Variants in RRM2 observed in about 807,000 individuals in gnomAD.
RRM2 encodes ribonucleoside-diphosphate reductase subunit M2.
A neutral mutation model predicts 45.9 loss-of-function variants in RRM2; 6 were observed. The ratio of observed to expected loss-of-function variants is 0.13; its 90% CI spans 0.07 to 0.26. The LOEUF is 0.26. Among genes scored for constraint, RRM2 ranks in the 10% least tolerant of loss-of-function variants. The pLI is 1.00. For synonymous variants in RRM2, 177 were observed against 173.0 expected (o/e 1.02, Z -0.18); for missense variants, 343 against 489.5 (o/e 0.70, Z 2.82).
downstream of RRM2, among the ~76,000 whole-genome samples, chr2:10,135,834 C>T (rs1337666553): frequency 6.6e-6 from 1 of 152,190 alleles, no homozygotes; most frequent in Admixed American, 6.5e-5. Flanking sequence ...CACCAAGCAA[C>T]ATGGTCTCTG....
At chr2:10,125,286 T>C (rs1470063092) in intron 5 of RRM2, among the ~76,000 whole-genome samples, 2 of 152,170 alleles carry the variant, frequency 1.3e-5, no homozygotes, top group Non-Finnish European at 2.9e-5. Context: ...GAGGCAGCAG[T>C]GAACCCTGAG....
chr2:10,210,301 G>A (rs1664735257), intron 3 of RRM2: 2 of 1,363,660 alleles, frequency 1.5e-6, no homozygotes, highest in African/African-American at 1.5e-5. Context: ...TTTCTTTCCT[G>A]TCCAATCAGT....
intron 3 of RRM2, among the ~76,000 whole-genome samples, chr2:10,161,885 T>G (rs1308939821): frequency 6.6e-6 from 1 of 152,228 alleles, no homozygotes; most frequent in African/African-American, 2.4e-5. Flanking sequence ...CTGCTCTGAC[T>G]TGGAAGCCCA....
At chr2:10,179,364 C>T (rs367607809) in intron 3 of RRM2, among the ~76,000 whole-genome samples, 1 of 152,136 alleles carries the variant, frequency 6.6e-6, no homozygotes, top group African/African-American at 2.4e-5. Context: ...GTTGGCCAGG[C>T]TGGTCTCAAA....
chr2:10,152,203 C>A (rs1663326560), intron 3 of RRM2, among the ~76,000 whole-genome samples: 1 of 152,128 alleles, frequency 6.6e-6, no homozygotes. Context: ...CTGCCTCGGC[C>A]TCCTAAAGTG....
chr2:10,178,177 C>T (rs547246036), intron 3 of RRM2, among the ~76,000 whole-genome samples: 37 of 150,964 alleles, frequency 2.5e-4, no homozygotes, highest in African/African-American at 4.2e-4. Flanking sequence ...CTGCCTGCCT[C>T]GGCCTCCCAA....
rs1663801895 is a variant in RRM2 at position 10,171,278 on chromosome 2, G to A, written n.482+28903G>A. On this transcript the variant is annotated intron_variant and non_coding_transcript_variant, in intron 3 of 3. Transcript: ENST00000381786. This position sits in a 1 kb window ranked among gnomAD's most constrained non-coding sequence, Gnocchi z 4.1. ...CTGTCAGGAGGATTAAATGAGATAAGACAAACACAGAGCAACTCCTTGCTA... is the reference window on the plus strand; with the variant it reads ...CTGTCAGGAGGATTAAATGAGATAAAACAAACACAGAGCAACTCCTTGCTA... Among the ~76,000 whole-genome samples the A allele has an allele frequency of 6.6e-6, 1 of 152,350 alleles. No individual in the cohort carries two copies.
chr2:10,160,932 C>A (rs1302655895), intron 3 of RRM2, among the ~76,000 whole-genome samples: 2 of 152,104 alleles, frequency 1.3e-5, no homozygotes, highest in African/African-American at 2.4e-5. Flanking sequence ...GCCCTGAGAC[C>A]CCCAGCCCTG....
chr2:10,147,227 A>T (rs1197974270), intron 3 of RRM2, among the ~76,000 whole-genome samples: 4 of 152,084 alleles, frequency 2.6e-5, no homozygotes, highest in Non-Finnish European at 5.9e-5. Context: ...CTGGGATTAC[A>T]CGTGTGAGCC....
chr2:10,132,030 T>C (rs1662912713), downstream of RRM2, among the ~76,000 whole-genome samples: 1 of 152,204 alleles, frequency 6.6e-6, no homozygotes, highest in Non-Finnish European at 1.5e-5. Flanking sequence ...ACATCTGACC[T>C]GTGTGGACTC....
chr2:10,175,982 C>T (rs1048357543), intron 3 of RRM2, among the ~76,000 whole-genome samples: 1 of 152,166 alleles, frequency 6.6e-6, no homozygotes, highest in African/African-American at 2.4e-5. Flanking sequence ...TTGTGTCTAG[C>T]TTATTTCACT....
intron 3 of RRM2, among the ~76,000 whole-genome samples, chr2:10,176,491 C>T (rs1345241424): frequency 1.3e-5 from 2 of 152,200 alleles, no homozygotes; most frequent in Admixed American, 1.3e-4. Flanking sequence ...TGGTCTCGAA[C>T]TCCCAACCTC....
intron 3 of RRM2, chr2:10,156,221 C>T (rs1251768702): frequency 2.0e-5 from 3 of 152,184 alleles, no homozygotes; most frequent in Admixed American, 1.3e-4. Context: ...CTAACACTAA[C>T]GATAGCTGAT....
At chr2:10,133,041 A>G (rs1662928902), downstream of RRM2, among the ~76,000 whole-genome samples, 1 of 152,180 alleles carries the variant, frequency 6.6e-6, no homozygotes, top group East Asian at 1.9e-4. Context: ...TAAACCAGGG[A>G]CCCTGTAATC....
downstream of RRM2, among the ~76,000 whole-genome samples, chr2:10,134,170 C>CA (rs35568069): frequency 0.017 from 1,773 of 101,374 alleles, 19 homozygotes; most frequent in East Asian, 0.046. Flanking sequence ...AACTCCATCT[C>CA]AAAAAAAAAA....
At position 10,125,928 on chromosome 2, in the gene RRM2, G is replaced by T. The variant is rs145875300; in HGVS notation, c.570-947G>T. Among the ~76,000 whole-genome samples, 786 of 152,180 alleles carry T rather than the reference G, an allele frequency of 5.2e-3. 7 individuals carry two copies. Among genetic ancestry groups the T allele is most frequent in the African/African-American group, 0.018 (742 of 41,512 alleles). On this transcript the variant is annotated intron_variant, in intron 5 of 9. Transcript: ENST00000304567. ...AAATGCCCAGAAGGGGAACAGGAAGGTCTGCTGGGGAAGCCTCAAAAACAA... is the reference window on the plus strand; with the variant it reads ...AAATGCCCAGAAGGGGAACAGGAAGTTCTGCTGGGGAAGCCTCAAAAACAA...
At chr2:10,159,720 C>T (rs78670644) in intron 3 of RRM2, among the ~76,000 whole-genome samples, 5,562 of 152,310 alleles carry the variant, frequency 0.037, 129 homozygotes, top group East Asian at 0.12. Context: ...TTCACACACA[C>T]AGAGATGGAG....
chr2:10,160,019 G>A (rs1007145215), intron 3 of RRM2, among the ~76,000 whole-genome samples: 1 of 152,082 alleles, frequency 6.6e-6, no homozygotes, highest in African/African-American at 2.4e-5. Context: ...GCCCCTCCAG[G>A]CCCTCTGTGA....
In RRM2 at chr2:10,175,775, TG is replaced by T. The variant is rs1436270668; in HGVS notation, n.482+33401del. 1.7e-4 allele frequency among the ~76,000 whole-genome samples: 25 copies of T among 149,028 alleles called. No homozygotes were observed. In the East Asian group the frequency reaches 4.9e-3, roughly 29 times the overall value. ...CCACGCTCAGCTAATTTTTTTTTTTTGATATTTTTTAATAGAGACAGGGTTT... is the reference window on the plus strand; with the variant it reads ...CCACGCTCAGCTAATTTTTTTTTTTTATATTTTTTAATAGAGACAGGGTTT... On this transcript the variant is annotated intron_variant and non_coding_transcript_variant, in intron 3 of 3. Coordinates refer to the RRM2 transcript ENST00000381786.
Sources: gnomAD v4.1 joint callset for allele counts (sites outside exome capture counted in the v4.1 genomes callset) on GRCh38, gnomAD v4.1.1 for gene constraint, Gnocchi (gnomAD v3.1) non-coding constraint, MANE v1.5 for transcripts, NCBI Gene and HGNC (gene_info 2026-07-23, HGNC 2026-07-21) for gene names.